Variants in MPDZ observed in about 807,000 individuals in gnomAD.
MPDZ encodes the protein multiple PDZ domain crumbs cell polarity complex component.
A neutral mutation model predicts 239.1 loss-of-function variants in MPDZ; 234 were observed. The ratio of observed to expected loss-of-function variants is 0.98; its 90% CI spans 0.88 to 1.09. The LOEUF (loss-of-function observed/expected upper bound fraction) is 1.09. Ranked by LOEUF, MPDZ falls within the 50% of genes least tolerant of loss-of-function variation. The probability of loss-of-function intolerance (pLI) is 0.00; values close to 1 mark genes in which losing one functional copy is unlikely to be tolerated. For synonymous variants in MPDZ, 1,048 were observed against 881.3 expected, an observed-to-expected ratio of 1.19 and a Z score of -3.35; for missense variants, 3,175 against 2,510.0, an observed-to-expected ratio of 1.26 and a Z score of -5.66.
At chr9:13,241,173 C>T (rs966883414) in intron 3 of MPDZ, among the ~76,000 whole-genome samples, 15 of 152,146 alleles carry the variant, frequency 9.9e-5, no homozygotes, top group Admixed American at 2.0e-4. Flanking sequence ...GAAATTCCTA[C>T]AGTAAATAAA....
At chr9:13,194,662 T>C (rs1372915030) in intron 13 of MPDZ, among the ~76,000 whole-genome samples, 4 of 151,974 alleles carry the variant, frequency 2.6e-5, no homozygotes, top group Admixed American at 2.0e-4. Context: ...TGTATACCTA[T>C]GTAACAAACC....
At chr9:13,208,254 G>C (rs1957211673) in intron 10 of MPDZ, among the ~76,000 whole-genome samples, 1 of 152,102 alleles carries the variant, frequency 6.6e-6, no homozygotes, top group Admixed American at 6.5e-5. Flanking sequence ...GGCCAGCCTG[G>C]GCAACATGCT....
chr9:13,144,355 T>A (rs1166561881), intron 26 of MPDZ, among the ~76,000 whole-genome samples: 1 of 151,970 alleles, frequency 6.6e-6, no homozygotes, highest in East Asian at 1.9e-4. Context: ...ACTGTTAGAG[T>A]TGAAAATACA....
intron 24 of MPDZ, among the ~76,000 whole-genome samples, chr9:13,156,569 G>C (rs565835774): frequency 1.3e-5 from 2 of 152,082 alleles, no homozygotes; most frequent in Non-Finnish European, 2.9e-5. Flanking sequence ...AACAGCATGG[G>C]AAAGACCTGC....
rs908604812 is a variant in MPDZ, at chr9:13,165,509, T to C, written c.3255-2714A>G. On this transcript the variant is annotated intron_variant, in intron 22 of 46. Transcript: ENST00000319217. ...AGATGCATACATATGTAGTTAAAAGTGGGTGCTCCTGGTTGTTTTTTTTCC... is the reference window on the plus strand; with the variant it reads ...AGATGCATACATATGTAGTTAAAAGCGGGTGCTCCTGGTTGTTTTTTTTCC... 4.2e-5 allele frequency: 59 copies of C among 1,409,718 alleles called. No individual in the cohort carries two copies. The African/African-American group carries it at 8.5e-4, about 20-fold the overall frequency. The allele number at this position is 1,409,718 out of a possible 1,614,324, so 87.3% of individuals were successfully genotyped here.
intron 26 of MPDZ, among the ~76,000 whole-genome samples, chr9:13,143,917 T>C (rs1306367173): frequency 6.6e-6 from 1 of 152,104 alleles, no homozygotes; most frequent in Non-Finnish European, 1.5e-5. Flanking sequence ...AGTAAACATG[T>C]TCAAAATTAA....
chr9:13,217,397 G>A, intron 8 of MPDZ, 103 bp from the exon 9 acceptor site: 1 of 722,710 alleles, frequency 1.4e-6, no homozygotes, highest in South Asian at 1.9e-5. Flanking sequence ...TAAAGCCACA[G>A]GCCTACTTTA....
Position 13,121,908 on chromosome 9 carries a change from C to T in MPDZ, c.5062G>A (p.Ala1688Thr). 2 of 1,613,542 alleles carry T rather than the reference C, an allele frequency of 1.2e-6. No individual in the cohort carries two copies. Among genetic ancestry groups the T allele is most frequent in the Non-Finnish European group, 1.7e-6 (2 of 1,179,738 alleles). ...LEVNGIDLRKATHDEAINVLR... is the reference protein window; with the variant it reads ...LEVNGIDLRKTTHDEAINVLR... ...ACATTGATTGCTTCATCATGTGTGGCCTTTCTCAAGTCAATTCCATTCACC... is the reference window on the plus strand; with the variant it reads ...ACATTGATTGCTTCATCATGTGTGGTCTTTCTCAAGTCAATTCCATTCACC... The change falls in exon 38 of 47, where the codon GCC becomes ACC. Residue 1688 changes from alanine to threonine, a missense_variant. Ala to Thr is a moderately conservative substitution (Grantham distance 58). Coordinates refer to ENST00000319217, the MANE Select transcript of MPDZ (RefSeq NM_001378778.1).
At position 13,121,743 on chromosome 9, in the gene MPDZ, T is replaced by C. The variant is rs1944381691; in HGVS notation, c.5227A>G (p.Lys1743Glu). The C allele has an allele frequency of 7.4e-6, 12 of 1,613,942 alleles. No individual in the cohort carries two copies. The highest frequency in any genetic ancestry group is 1.0e-5 in the Non-Finnish European group (12 of 1,179,852). The change falls in exon 38 of 47, where the codon AAA becomes GAA. Residue 1743 changes from lysine (K) to glutamate (E), a missense_variant. Lys to Glu is a moderately conservative substitution (Grantham distance 56). Coordinates refer to ENST00000319217, the MANE Select transcript of MPDZ (RefSeq NM_001378778.1). Reference sequence around the variant, plus strand: ...GTTTGTCCTCCTCAATCACACCTTTTACCAACAATACTTAATCCTAGGCCT... The same window carrying C: ...GTTTGTCCTCCTCAATCACACCTTTCACCAACAATACTTAATCCTAGGCCT... ...GKGLGLSIVGKRNDTGVFVSD... is the reference protein window; with the variant it reads ...GKGLGLSIVGERNDTGVFVSD...
intron 10 of MPDZ, among the ~76,000 whole-genome samples, chr9:13,216,567 G>C (rs1958374023): frequency 6.6e-6 from 1 of 151,802 alleles, no homozygotes; most frequent in Non-Finnish European, 1.5e-5. Context: ...TCTCCCGTTT[G>C]GAACTGAGAT....
intron 22 of MPDZ, among the ~76,000 whole-genome samples, chr9:13,165,703 A>G (rs1950994140): frequency 6.6e-6 from 1 of 152,158 alleles, no homozygotes. Flanking sequence ...GTGAATTCTG[A>G]TTCAGCTCAG....
intron 7 of MPDZ, among the ~76,000 whole-genome samples, 151 bp from the exon 8 acceptor site, chr9:13,219,919 T>C (rs1017939679): frequency 6.6e-6 from 1 of 151,988 alleles, no homozygotes; most frequent in Non-Finnish European, 1.5e-5. Context: ...ATTAACTGTC[T>C]TTTGAAACAT....
intron 1 of MPDZ, among the ~76,000 whole-genome samples, chr9:13,263,847 T>G (rs926414649): frequency 5.9e-5 from 9 of 152,216 alleles, no homozygotes; most frequent in African/African-American, 2.2e-4. Context: ...TAAATAAAAC[T>G]TATATATCTT....
At chr9:13,222,512 G>T in intron 5 of MPDZ, 66 bp from the exon 6 acceptor site, 1 of 1,262,714 alleles carries the variant, frequency 7.9e-7, no homozygotes. Context: ...CAGCTTCTTT[G>T]GCATGTATGT....
intron 10 of MPDZ, among the ~76,000 whole-genome samples, chr9:13,212,989 T>C (rs1393688161): frequency 6.6e-6 from 1 of 151,944 alleles, no homozygotes; most frequent in Non-Finnish European, 1.5e-5. Context: ...AGAACTTCAA[T>C]CTATGAACAC....
At chr9:13,267,467 G>GTA (rs2139081319) in intron 1 of MPDZ, among the ~76,000 whole-genome samples, 1 of 152,254 alleles carries the variant, frequency 6.6e-6, no homozygotes, top group East Asian at 1.9e-4. Context: ...TACCTATGCT[G>GTA]TAAAGTACAG....
intron 32 of MPDZ, among the ~76,000 whole-genome samples, chr9:13,133,419 G>A (rs1296522594): frequency 1.3e-5 from 2 of 152,106 alleles, no homozygotes; most frequent in Non-Finnish European, 2.9e-5. Flanking sequence ...CTAAATATAT[G>A]AGCTTTCTTA....
rs139310753 is a variant in MPDZ, at chr9:13,162,699, G to A, written c.3351C>T (p.Tyr1117=). Residue 1117 remains tyrosine (Y), a synonymous_variant, in exon 23 of 47, where the codon TAC becomes TAT. Transcript: ENST00000319217. ...TTTAATGTTTCACTTACCTGCCAGT[G>A]TATGAAGAAAAAATATCCAGTGCCA... is the stretch of plus-strand genomic sequence containing the variant. The part of the protein sequence containing the change: ...RVMALDIFSS[Y]TGRDIPELPE... The A allele has an allele frequency of 1.1e-5, 17 of 1,603,574 alleles. No individual in the cohort carries two copies. In the East Asian group the frequency reaches 3.1e-4, roughly 30 times the overall value.
Position 13,267,461 on chromosome 9 carries a change from T to A in MPDZ, c.-58+11939A>T, listed in dbSNP as rs571870359. Among the ~76,000 whole-genome samples, 11 of 152,314 alleles carry A rather than the reference T, an allele frequency of 7.2e-5. No individual in the cohort carries two copies. The South Asian group carries it at 2.1e-3, about 29-fold the overall frequency. ...TTTTAAGTAATAGAGCTGTCTTACCTATGCTGTAAAGTACAGAGCTTTATG... is the reference window on the plus strand; with the variant it reads ...TTTTAAGTAATAGAGCTGTCTTACCAATGCTGTAAAGTACAGAGCTTTATG... On this transcript the variant is annotated intron_variant, in intron 1 of 46. Transcript: ENST00000319217.
Sources: allele counts gnomAD v4.1 joint callset (sites outside exome capture counted in the v4.1 genomes callset), GRCh38; gene constraint gnomAD v4.1.1; transcripts MANE v1.5; gene names NCBI Gene and HGNC (gene_info 2026-07-23, HGNC 2026-07-21).